Variants in NPFFR2 observed in about 807,000 individuals in gnomAD.
NPFFR2 encodes G-protein coupled receptor 74.
In NPFFR2, 15 loss-of-function variants were observed where a neutral mutation model predicts 13.1. The observed-to-expected ratio is 1.15, with a 90% confidence interval of 0.77 to 1.76. The LOEUF (loss-of-function observed/expected upper bound fraction) is 1.76. Ranked by LOEUF, NPFFR2 falls within the 40% of genes most tolerant of loss-of-function variation. The probability of loss-of-function intolerance (pLI) is 0.00; values close to 1 mark genes in which losing one functional copy is unlikely to be tolerated. For missense variants in NPFFR2, 572 were observed against 503.5 expected (o/e 1.14, Z -1.30); for synonymous variants, 190 against 175.7 (o/e 1.08, Z -0.65).
chr4:72,069,114 A>G (rs561506801), intron 1 of NPFFR2: 2 of 457,296 alleles, frequency 4.4e-6, no homozygotes, highest in Non-Finnish European at 7.9e-6. Flanking sequence ...TAAGAATAGC[A>G]TAACAGTAAT....
intron 1 of NPFFR2, among the ~76,000 whole-genome samples, chr4:72,046,965 C>T (rs965524730): frequency 2.0e-5 from 3 of 152,090 alleles, no homozygotes; most frequent in African/African-American, 7.2e-5. Flanking sequence ...GTACCCAAAG[C>T]CTGAGGGCTT....
chr4:72,072,439 C>T (rs1271992422), intron 1 of NPFFR2, among the ~76,000 whole-genome samples: 2 of 151,884 alleles, frequency 1.3e-5, no homozygotes, highest in African/African-American at 4.8e-5. Context: ...TGAATAGTCA[C>T]TAGAGGGATT....
chr4:72,081,590 C>T (rs1314899219), intron 1 of NPFFR2, among the ~76,000 whole-genome samples: 3 of 150,946 alleles, frequency 2.0e-5, no homozygotes, highest in East Asian at 4.0e-4. Flanking sequence ...CAGGCTCAAG[C>T]GATTCTCCCA....
intron 2 of NPFFR2, among the ~76,000 whole-genome samples, chr4:72,136,181 C>A (rs1229564677): frequency 6.6e-6 from 1 of 151,942 alleles, no homozygotes; most frequent in Admixed American, 6.6e-5. Flanking sequence ...CATAATGAGA[C>A]CCCATCTCTA....
At chr4:72,046,671 G>A (rs536634533) in intron 1 of NPFFR2, among the ~76,000 whole-genome samples, 76 of 152,288 alleles carry the variant, frequency 5.0e-4, no homozygotes, top group African/African-American at 1.8e-3. Context: ...ACTAGATAAT[G>A]GGTAGAGGCT....
intron 1 of NPFFR2, among the ~76,000 whole-genome samples, chr4:72,107,263 T>C (rs1302799237): frequency 6.6e-6 from 1 of 151,130 alleles, no homozygotes; most frequent in Non-Finnish European, 1.5e-5. Context: ...GAGTACTTTT[T>C]TGTGTATTAT....
At chr4:72,065,652 A>G (rs1393675575) in intron 1 of NPFFR2, among the ~76,000 whole-genome samples, 1 of 152,186 alleles carries the variant, frequency 6.6e-6, no homozygotes, top group East Asian at 1.9e-4. Flanking sequence ...TATTCATTAA[A>G]TGCAGGGCAC....
chr4:72,064,233 T>G (rs1720003842), intron 1 of NPFFR2, among the ~76,000 whole-genome samples: 1 of 152,256 alleles, frequency 6.6e-6, no homozygotes, highest in Non-Finnish European at 1.5e-5. Context: ...GAGCTCAGCA[T>G]GGCTCACCTG....
At chr4:72,146,284 G>A (rs528113591) in intron 3 of NPFFR2, among the ~76,000 whole-genome samples, 23 of 152,156 alleles carry the variant, frequency 1.5e-4, no homozygotes, top group Non-Finnish European at 2.8e-4. Flanking sequence ...CTTATCTCCC[G>A]GAATCTTTCT....
chr4:72,040,926 A>AT (rs2109755170), intron 1 of NPFFR2, among the ~76,000 whole-genome samples: 1 of 47,282 alleles, frequency 2.1e-5, no homozygotes, highest in South Asian at 1.7e-3. Flanking sequence ...CACTGCTGTA[A>AT]AATATATATA....
Position 72,102,207 on chromosome 4 carries a change from A to G in NPFFR2, c.-7-26378A>G, listed in dbSNP as rs141456939. 4.2e-3 allele frequency among the ~76,000 whole-genome samples: 645 copies of G among 152,184 alleles called. 3 individuals are homozygous for G. The highest frequency in any genetic ancestry group is 0.015 in the African/African-American group (623 of 41,524). ...AAGAATTAAAAAAGACAAGATTACG[A>G]GATCAATTGGGTCCTGTTGGTGGAA... On this transcript the variant is annotated intron_variant, in intron 1 of 3. Coordinates refer to ENST00000308744, the MANE Select transcript of NPFFR2 (RefSeq NM_004885.3).
At chr4:72,050,143 C>T (rs1719500065) in intron 1 of NPFFR2, among the ~76,000 whole-genome samples, 1 of 151,934 alleles carries the variant, frequency 6.6e-6, no homozygotes, top group African/African-American at 2.4e-5. Flanking sequence ...CATGAATGTC[C>T]TAATCAAAGG....
chr4:72,033,653 C>T (rs6446797), intron 1 of NPFFR2, among the ~76,000 whole-genome samples: 146,470 of 152,282 alleles, frequency 0.96, 70,717 homozygotes, highest in East Asian at 1. Flanking sequence ...TTGTCTGTTT[C>T]ATCTGGCAGT....
chr4:72,103,398 C>T (rs1353027709), intron 1 of NPFFR2, among the ~76,000 whole-genome samples: 1 of 152,098 alleles, frequency 6.6e-6, no homozygotes, highest in African/African-American at 2.4e-5. Context: ...TGACCTCCTG[C>T]CTTGTGATGA....
Position 72,148,154 on chromosome 4 carries a change from A to C in NPFFR2, c.*342A>C. On this transcript the variant is annotated 3_prime_UTR_variant, in exon 4 of 4. Coordinates refer to ENST00000308744, the MANE Select transcript of NPFFR2 (RefSeq NM_004885.3). ...GCATGTGTGTGTGTATTTTCCCCAA[A>C]TGGTGATGATGAGCAGTGCTTTGCA... is the stretch of plus-strand genomic sequence containing the variant. The C allele has an allele frequency of 5.5e-6, 1 of 180,992 alleles. No homozygotes were observed. The highest frequency in any genetic ancestry group is 1.1e-5 in the Non-Finnish European group (1 of 87,748). 11.2% of individuals were successfully genotyped at this position (180,992 alleles called of 1,614,324 possible). A position where few individuals can be genotyped will look rare whatever the true frequency, so the allele number is the denominator to read the frequency against.
In NPFFR2 at chr4:72,120,090, G is replaced by T. The variant is rs185930678; in HGVS notation, c.-7-8495G>T. On this transcript the variant is annotated intron_variant, in intron 1 of 3. Coordinates refer to ENST00000308744, the MANE Select transcript of NPFFR2 (RefSeq NM_004885.3). ...TAGACCTGGGAGGCTCCAGCTTAGT[G>T]GGGGGAGGGACGTCCACCATTACTG... 6.1e-4 allele frequency among the ~76,000 whole-genome samples: 93 copies of T among 152,248 alleles called. 2 individuals carry two copies. The highest frequency in any genetic ancestry group is 2.2e-4 in the Non-Finnish European group (15 of 68,008).
chr4:72,069,270 A>G (rs1309528709), intron 1 of NPFFR2, among the ~76,000 whole-genome samples: 3 of 152,150 alleles, frequency 2.0e-5, no homozygotes, highest in Non-Finnish European at 4.4e-5. Context: ...ATGAAAAAAT[A>G]TGAATGCAAA....
chr4:72,075,976 T>TACACACACAC (rs1025719017), intron 1 of NPFFR2, among the ~76,000 whole-genome samples: 16 of 83,164 alleles, frequency 1.9e-4, no homozygotes, highest in African/African-American at 7.4e-4. Context: ...CACACACACA[T>TACACACACAC]ACACACACAC....
chr4:72,092,578 A>T (rs905576453), intron 1 of NPFFR2, among the ~76,000 whole-genome samples: 1 of 152,062 alleles, frequency 6.6e-6, no homozygotes, highest in Admixed American at 6.6e-5. Flanking sequence ...TAGTCCTCTT[A>T]TCATCGTATA....
Sources: allele counts gnomAD v4.1 joint callset (sites outside exome capture counted in the v4.1 genomes callset), GRCh38; gene constraint gnomAD v4.1.1; transcripts MANE v1.5; gene names NCBI Gene and HGNC (gene_info 2026-07-23, HGNC 2026-07-21).